LRP1B: variants seen among roughly 807,000 people sequenced by gnomAD.
The protein encoded by LRP1B is LDL receptor related protein 1B.
LRP1B carries 217 observed loss-of-function variants against 556.6 expected under a neutral mutation model. The observed-to-expected ratio is 0.39, with a 90% CI of 0.35 to 0.44. The LOEUF is 0.44. LRP1B is among the 20% of genes least tolerant of loss of function. LRP1B has a pLI of 1.00. For missense variants in LRP1B, 5,053 were observed against 5,620.8 expected, an observed-to-expected ratio of 0.90 and a Z score of 3.23; for synonymous variants, 2,047 against 1,865.8, an observed-to-expected ratio of 1.10 and a Z score of -2.50.
At chr2:141,253,825 C>T (rs1320959420) in intron 4 of LRP1B, among the ~76,000 whole-genome samples, 5 of 151,154 alleles carry the variant, frequency 3.3e-5, no homozygotes, top group Admixed American at 1.3e-4. Flanking sequence ...GAGAGAGAGA[C>T]GTGCTATATT....
intron 2 of LRP1B, among the ~76,000 whole-genome samples, chr2:141,610,590 T>C (rs915534750): frequency 3.3e-5 from 5 of 152,222 alleles, no homozygotes; most frequent in Middle Eastern, 3.4e-3. Context: ...GTACCCCTCA[T>C]GGGTACCTCA....
intron 66 of LRP1B, among the ~76,000 whole-genome samples, chr2:140,398,537 T>TTGTTG (rs1270863571): frequency 1.1e-5 from 1 of 88,530 alleles, no homozygotes. Context: ...TGTTGTTGTT[T>TTGTTG]TTGTTTTGAG....
Position 140,282,665 on chromosome 2 carries a change from A to C in LRP1B, c.12968-8067T>G, listed in dbSNP as rs929998886. 3.3e-5 allele frequency among the ~76,000 whole-genome samples: 5 copies of C among 151,916 alleles called. No individual in the cohort carries two copies. In the South Asian group the frequency reaches 1.0e-3, roughly 31 times the overall value. The stretch of plus-strand genomic sequence containing the variant: ...GGCAGCAGACCCACAAGAAGTCTGC[A>C]CGATAATGACACAGCCTATAATCTC... On this transcript the variant is annotated intron_variant, in intron 84 of 90. Coordinates refer to ENST00000389484, the MANE Select transcript of LRP1B (RefSeq NM_018557.3).
chr2:141,955,869 C>A (rs1479741913), intron 1 of LRP1B, among the ~76,000 whole-genome samples: 1 of 152,010 alleles, frequency 6.6e-6, no homozygotes, highest in Admixed American at 6.6e-5. Flanking sequence ...ATGTTGATTT[C>A]TCTTAAGCCT....
chr2:141,645,982 A>T (rs1360254364), intron 2 of LRP1B, among the ~76,000 whole-genome samples: 1 of 152,056 alleles, frequency 6.6e-6, no homozygotes, highest in East Asian at 1.9e-4. Context: ...AAGAGACGCA[A>T]CCCCACAGGA....
At position 141,191,328 on chromosome 2, in the gene LRP1B, T is replaced by C. The variant is rs770497446; in HGVS notation, c.851-2745A>G. Among the ~76,000 whole-genome samples the C allele has an allele frequency of 2.0e-4, 31 of 151,904 alleles. 1 individual carries two copies. The highest frequency in any genetic ancestry group is 2.9e-4 in the Non-Finnish European group (20 of 67,904). Reference sequence around the variant, plus strand: ...CTTAAAACAGGTCAAAATTATATTTTTTCCTCCCCTAAAAGAGTTTCCTTC... The same window carrying C: ...CTTAAAACAGGTCAAAATTATATTTCTTCCTCCCCTAAAAGAGTTTCCTTC... On this transcript the variant is annotated intron_variant, in intron 6 of 90. Coordinates refer to ENST00000389484, the MANE Select transcript of LRP1B (RefSeq NM_018557.3).
At chr2:141,441,065 TA>T (rs1340243895) in intron 3 of LRP1B, among the ~76,000 whole-genome samples, 3 of 151,998 alleles carry the variant, frequency 2.0e-5, no homozygotes, top group African/African-American at 7.2e-5. Flanking sequence ...ATTTTTTTTT[TA>T]TTTTTTATTT....
chr2:140,955,929 C>T (rs1036753680), intron 18 of LRP1B, among the ~76,000 whole-genome samples: 9 of 151,586 alleles, frequency 5.9e-5, no homozygotes, highest in Non-Finnish European at 1.3e-4. Flanking sequence ...GTCTCAAAAC[C>T]TATGCCATAG....
chr2:141,457,501 G>C (rs1449136851), intron 3 of LRP1B, among the ~76,000 whole-genome samples: 3 of 152,068 alleles, frequency 2.0e-5, no homozygotes, highest in East Asian at 3.9e-4. Flanking sequence ...TTAATACCTA[G>C]GTGATGGGTT....
At chr2:140,967,723 T>A (rs1696276521) in intron 18 of LRP1B, among the ~76,000 whole-genome samples, 2 of 152,106 alleles carry the variant, frequency 1.3e-5, no homozygotes, top group Admixed American at 1.3e-4. Flanking sequence ...CATCAATACC[T>A]AATTTATTGA....
chr2:140,873,819 CT>C (rs891034277), intron 25 of LRP1B, among the ~76,000 whole-genome samples: 9 of 151,424 alleles, frequency 5.9e-5, no homozygotes, highest in African/African-American at 9.7e-5. Context: ...AAAGTATGTC[CT>C]TTTTAAACAG....
At chr2:140,945,278 T>A (rs1264152209) in intron 20 of LRP1B, among the ~76,000 whole-genome samples, 1 of 152,200 alleles carries the variant, frequency 6.6e-6, no homozygotes, top group African/African-American at 2.4e-5. Flanking sequence ...ATTATTAAAA[T>A]GTTCATACTG....
chr2:140,364,848 T>A, intron 71 of LRP1B, 65 bp from the exon 72 acceptor site: 1 of 1,471,670 alleles, frequency 6.8e-7, no homozygotes, highest in Non-Finnish European at 9.4e-7. Context: ...GCAGGATCCA[T>A]ATTCTTCTGA....
chr2:140,499,227 G>T (rs1401596318), intron 55 of LRP1B, among the ~76,000 whole-genome samples: 2 of 151,784 alleles, frequency 1.3e-5, no homozygotes, highest in Non-Finnish European at 3.0e-5. Context: ...TCCAAATATG[G>T]TATGGCTGTG....
chr2:140,277,397 CA>C (rs1682720638), intron 84 of LRP1B, among the ~76,000 whole-genome samples: 1 of 151,824 alleles, frequency 6.6e-6, no homozygotes, highest in Non-Finnish European at 1.5e-5. Flanking sequence ...ACCAGCCTAG[CA>C]AATATGGTGA....
chr2:141,377,413 T>C (rs1258102839), intron 3 of LRP1B, among the ~76,000 whole-genome samples: 3 of 152,144 alleles, frequency 2.0e-5, no homozygotes, highest in African/African-American at 7.2e-5. Flanking sequence ...ATATGCTTTC[T>C]TTCTTTTCAT....
chr2:140,965,249 C>A (rs66489519), intron 18 of LRP1B, among the ~76,000 whole-genome samples: 1 of 151,872 alleles, frequency 6.6e-6, no homozygotes, highest in Non-Finnish European at 1.5e-5. Context: ...GAAATAGAGT[C>A]TTTGTCAATA....
intron 2 of LRP1B, among the ~76,000 whole-genome samples, chr2:141,505,286 G>T (rs898249188): frequency 2.6e-5 from 4 of 151,830 alleles, no homozygotes; most frequent in African/African-American, 7.3e-5. Context: ...GCAAATATTT[G>T]TAAGTCTCAG....
intron 2 of LRP1B, among the ~76,000 whole-genome samples, chr2:141,503,171 AATAAT>A (rs1683789814): frequency 6.7e-6 from 1 of 148,198 alleles, no homozygotes; most frequent in African/African-American, 2.4e-5. Flanking sequence ...GTAATACATG[AATAAT>A]ATAATAAAGT....
Sources: allele counts gnomAD v4.1 joint callset (sites outside exome capture counted in the v4.1 genomes callset), GRCh38; gene constraint gnomAD v4.1.1; transcripts MANE v1.5; gene names NCBI Gene and HGNC (gene_info 2026-07-23, HGNC 2026-07-21).